MPP7: variants seen among roughly 807,000 people sequenced by gnomAD.
MPP7 encodes the protein MAGUK p55 subfamily member 7.
Under a neutral mutation model 76.5 loss-of-function variants are expected in MPP7, and 60 were observed. That is an observed-to-expected ratio of 0.78 (90% confidence interval 0.64 to 0.97). MPP7 has a LOEUF of 0.97. Among genes scored for constraint, MPP7 ranks in the 50% least tolerant of loss-of-function variants. MPP7 has a pLI of 0.00. For synonymous variants in MPP7, 237 were observed against 244.5 expected (o/e 0.97, Z 0.29); for missense variants, 641 against 694.0 (o/e 0.92, Z 0.86).
At position 28,081,909 on chromosome 10, in the gene MPP7, C is replaced by T. The variant is rs564827135; in HGVS notation, c.1123+7762G>A. ...CTGGGACTACAGGTGACTGCCAACACATCTGGCTAATTTTTGTATTTTTAG... is the reference window on the plus strand; with the variant it reads ...CTGGGACTACAGGTGACTGCCAACATATCTGGCTAATTTTTGTATTTTTAG... On this transcript the variant is annotated intron_variant, in intron 12 of 16. Transcript: ENST00000683449. Among the ~76,000 whole-genome samples the T allele has an allele frequency of 2.6e-5, 4 of 152,126 alleles. No homozygotes were observed. The South Asian group carries it at 8.3e-4, about 32-fold the overall frequency.
chr10:28,208,827 G>A (rs1207156217), intron 2 of MPP7, among the ~76,000 whole-genome samples: 1 of 152,194 alleles, frequency 6.6e-6, no homozygotes, highest in East Asian at 1.9e-4. Context: ...ATGTACATAT[G>A]AGGCTGATAT....
At chr10:28,064,491 A>T (rs1851915682) in intron 13 of MPP7, among the ~76,000 whole-genome samples, 1 of 152,222 alleles carries the variant, frequency 6.6e-6, no homozygotes, top group Non-Finnish European at 1.5e-5. Context: ...AAATTTTTTG[A>T]GATGGAAACA....
At chr10:28,245,355 C>A (rs78894639) in intron 1 of MPP7, among the ~76,000 whole-genome samples, 1 of 151,994 alleles carries the variant, frequency 6.6e-6, no homozygotes, top group Admixed American at 6.6e-5. Context: ...AATCAATGTC[C>A]CCCACTAGAT....
chr10:28,195,680 C>T (rs1252447032), intron 3 of MPP7, among the ~76,000 whole-genome samples: 1 of 151,966 alleles, frequency 6.6e-6, no homozygotes, highest in Admixed American at 6.6e-5. Context: ...CCAGGATAGG[C>T]AAATACATAG....
At chr10:28,160,375 G>T (rs1332209454) in intron 3 of MPP7, among the ~76,000 whole-genome samples, 1 of 152,154 alleles carries the variant, frequency 6.6e-6, no homozygotes, top group East Asian at 1.9e-4. Flanking sequence ...TTGTGAGTGT[G>T]CCATGGTGAA....
At chr10:28,303,123 C>G (rs972917576), upstream of MPP7, among the ~76,000 whole-genome samples, 2 of 152,206 alleles carry the variant, frequency 1.3e-5, no homozygotes, top group Non-Finnish European at 2.9e-5. Flanking sequence ...GGGGCTGCAC[C>G]GCCCGCGGGT....
chr10:28,285,689 G>A (rs1234942864), intron 1 of MPP7, among the ~76,000 whole-genome samples: 1 of 152,142 alleles, frequency 6.6e-6, no homozygotes, highest in East Asian at 1.9e-4. Flanking sequence ...CCTGACTGGG[G>A]TGAGAAGTAC....
chr10:28,185,327 A>G (rs1012345944), intron 3 of MPP7, among the ~76,000 whole-genome samples: 4 of 152,048 alleles, frequency 2.6e-5, no homozygotes, highest in Non-Finnish European at 5.9e-5. Context: ...AGTCCAAGCA[A>G]TGTGGCTCAC....
chr10:28,115,763 C>T (rs1834647863), intron 11 of MPP7, among the ~76,000 whole-genome samples: 1 of 152,156 alleles, frequency 6.6e-6, no homozygotes, highest in Non-Finnish European at 1.5e-5. Context: ...AAATGTTTGC[C>T]TTTGAATGAA....
At position 28,092,228 on chromosome 10, in the gene MPP7, G is replaced by A. The variant is rs756166195; in HGVS notation, c.953-2387C>T. Among the ~76,000 whole-genome samples, 3 of 152,120 alleles carry A rather than the reference G, an allele frequency of 2.0e-5. No individual in the cohort carries two copies. In the East Asian group the frequency reaches 5.8e-4, roughly 29 times the overall value. On this transcript the variant is annotated intron_variant, in intron 11 of 16. Transcript: ENST00000683449. ...TCTGTGGCCCTCTAAGAGTCACTCCGATTTTGAGAAGATATTTGAGTTGAG... is the reference window on the plus strand; with the variant it reads ...TCTGTGGCCCTCTAAGAGTCACTCCAATTTTGAGAAGATATTTGAGTTGAG...
At chr10:28,160,875 G>T (rs949021495) in intron 3 of MPP7, among the ~76,000 whole-genome samples, 2 of 152,112 alleles carry the variant, frequency 1.3e-5, no homozygotes, top group African/African-American at 4.8e-5. Flanking sequence ...TAGCTTTGGG[G>T]AAAAAACTAG....
At chr10:28,163,147 C>G (rs920692564) in intron 3 of MPP7, among the ~76,000 whole-genome samples, 3 of 152,154 alleles carry the variant, frequency 2.0e-5, no homozygotes, top group African/African-American at 7.2e-5. Context: ...CACAGCACCT[C>G]CAATCCTCCC....
intron 1 of MPP7, among the ~76,000 whole-genome samples, chr10:28,264,271 A>G (rs1840076535): frequency 6.6e-6 from 1 of 152,186 alleles, no homozygotes; most frequent in Non-Finnish European, 1.5e-5. Flanking sequence ...AGACTGGGTG[A>G]CATAGTAAGA....
intron 12 of MPP7, among the ~76,000 whole-genome samples, chr10:28,071,774 A>G (rs1852251843): frequency 6.6e-6 from 1 of 152,218 alleles, no homozygotes; most frequent in South Asian, 2.1e-4. Flanking sequence ...TGGATTTAAA[A>G]GATCAGGAGC....
intron 1 of MPP7, among the ~76,000 whole-genome samples, chr10:28,277,182 G>A (rs1589019875): frequency 6.6e-6 from 1 of 151,828 alleles, no homozygotes; most frequent in Admixed American, 6.6e-5. Context: ...GCAAGATCCT[G>A]TCTCCAAATC....
chr10:28,296,779 T>A (rs1216567446), intron 1 of MPP7, among the ~76,000 whole-genome samples: 4 of 152,208 alleles, frequency 2.6e-5, no homozygotes, highest in Non-Finnish European at 4.4e-5. Context: ...GGAAAAAACA[T>A]CTTGGGTTTT....
intron 2 of MPP7, among the ~76,000 whole-genome samples, chr10:28,310,091 T>C (rs1841281577): frequency 6.7e-6 from 1 of 148,442 alleles, no homozygotes; most frequent in Admixed American, 6.8e-5. Context: ...AACCTCTGCC[T>C]CCTGGGTTCA....
intron 1 of MPP7, among the ~76,000 whole-genome samples, chr10:28,288,787 T>C (rs1840844571): frequency 6.6e-6 from 1 of 152,100 alleles, no homozygotes; most frequent in Admixed American, 6.6e-5. Context: ...GAGTTCCTGT[T>C]TGAACAAACG....
At chr10:28,241,404 A>G (rs1009758202) in intron 1 of MPP7, among the ~76,000 whole-genome samples, 33 of 152,140 alleles carry the variant, frequency 2.2e-4, no homozygotes, top group Non-Finnish European at 1.5e-5. Flanking sequence ...GACCATATAC[A>G]AGCATATGAA....
Sources: allele counts gnomAD v4.1 joint callset (sites outside exome capture counted in the v4.1 genomes callset), GRCh38; gene constraint gnomAD v4.1.1; transcripts MANE v1.5; gene names NCBI Gene and HGNC (gene_info 2026-07-23, HGNC 2026-07-21).